The following SPOCK2 variants were observed in gnomAD, a reference collection of about 807,000 sequenced individuals.
SPOCK2 encodes the protein SPARC (osteonectin), cwcv and kazal like domains proteoglycan 2, also known as testican-2.
SPOCK2 carries 39 observed loss-of-function variants against 60.1 expected under a neutral mutation model. The ratio of observed to expected loss-of-function variants is 0.65; its 90% CI spans 0.50 to 0.85. SPOCK2 has a LOEUF of 0.85. Among genes scored for constraint, SPOCK2 ranks in the 40% least tolerant of loss-of-function variants. The probability of loss-of-function intolerance (pLI) is 0.00; values close to 1 mark genes in which losing one functional copy is unlikely to be tolerated. For synonymous variants in SPOCK2, 217 were observed against 231.5 expected (o/e 0.94, Z 0.57); for missense variants, 523 against 567.4 (o/e 0.92, Z 0.80).
In SPOCK2 at chr10:72,070,443, G is replaced by C. The variant is rs375309597; in HGVS notation, c.360-17C>G. 3.1e-6 allele frequency: 5 copies of C among 1,612,804 alleles called. No individual in the cohort carries two copies. The highest frequency in any genetic ancestry group is 1.7e-5 in the Admixed American group (1 of 59,976). ...TGCTTGATCCTACAGGAGAGGGTGG[G>C]GGGCACACCAGGGTGGAAGTGACAA... On this transcript the variant is annotated splice_polypyrimidine_tract_variant and intron_variant, in intron 4 of 10. Transcript: ENST00000373109.
chr10:72,064,432 T>C (rs1432833538), intron 8 of SPOCK2, among the ~76,000 whole-genome samples, 192 bp from the exon 9 acceptor site: 2 of 152,144 alleles, frequency 1.3e-5, no homozygotes, highest in African/African-American at 4.8e-5. Flanking sequence ...ACTCTCTATT[T>C]AGGGGAGCTC....
In SPOCK2 at chr10:72,062,431, CCAA is replaced by C; in HGVS notation, c.*326_*328del. 2.9e-6 allele frequency: 1 copy of C among 347,746 alleles called. No individual in the cohort carries two copies. Among genetic ancestry groups the C allele is most frequent in the Non-Finnish European group, 5.2e-6 (1 of 193,760 alleles). 21.5% of individuals were successfully genotyped at this position (347,746 alleles called of 1,614,324 possible). A position where few individuals can be genotyped will look rare whatever the true frequency, so the allele number is the denominator to read the frequency against. ...ATTTGTGTGTGAATGTATTTTAAAACCAACAACAAAAGGAAAGAAAACAGCTAC... is the reference window on the plus strand; with the variant it reads ...ATTTGTGTGTGAATGTATTTTAAAACCAACAAAAGGAAAGAAAACAGCTAC... On this transcript the variant is annotated 3_prime_UTR_variant, in exon 11 of 11. Coordinates refer to ENST00000373109, the MANE Select transcript of SPOCK2 (RefSeq NM_001244950.2). The surrounding 1 kb of genome is among the most constrained non-coding windows in gnomAD (Gnocchi z 4.3).
rs755810161 is a variant in SPOCK2, at chr10:72,067,666, T to G, written c.656A>C (p.His219Pro). The G allele has an allele frequency of 6.2e-7, 1 of 1,613,814 alleles. No individual in the cohort carries two copies. Among genetic ancestry groups the G allele is most frequent in the South Asian group, 1.1e-5 (1 of 91,072 alleles). Residue 219 changes from histidine to proline, a missense_variant, in exon 7 of 11, where the codon CAT becomes CCT. His to Pro is a moderately conservative substitution (Grantham distance 77). Coordinates refer to ENST00000373109, the MANE Select transcript of SPOCK2 (RefSeq NM_001244950.2). ...TGAGCCATTCTGCTTGGAGTTCTCA[T>G]GAAGGAGCTGGAACCAGTCCCGCAG... ...DRLRDWFQLL[H>P]ENSKQNGSAS...
chr10:72,088,661 G>A (rs1023951952), upstream of SPOCK2: 2 of 227,158 alleles, frequency 8.8e-6, no homozygotes, highest in South Asian at 1.7e-4. Flanking sequence ...ATTTCAAAGC[G>A]AAGCGCTCCC....
chr10:72,088,971 C>T (rs1840905491), upstream of SPOCK2: 1 of 152,320 alleles, frequency 6.6e-6, no homozygotes, highest in African/African-American at 2.4e-5. Flanking sequence ...CAGCTGGCTT[C>T]CTGCGAGTTA....
rs758457041 is a variant in SPOCK2, at chr10:72,064,248, G to C, written c.929-8C>G. On this transcript the variant is annotated splice_polypyrimidine_tract_variant and splice_region_variant and intron_variant, in intron 8 of 10. Coordinates refer to ENST00000373109, the MANE Select transcript of SPOCK2 (RefSeq NM_001244950.2). ...CTGCCAGGCAGGGGGGCTCTGTGGG[G>C]AGAGAAGCAGCCTCTGATGGGACTG... The C allele has an allele frequency of 4.3e-5, 69 of 1,588,032 alleles. No individual in the cohort carries two copies. In the South Asian group the frequency reaches 7.3e-4, roughly 17 times the overall value.
chr10:72,059,751 C>T lies in SPOCK2; in HGVS notation c.*3009G>A, dbSNP rs1352306081. ...ACAGGGGGCAGTCAAGATGCCGCCA[C>T]CCACCACCCCTCCCTTCCAAGCTCC... On this transcript the variant is annotated 3_prime_UTR_variant, in exon 11 of 11. Coordinates refer to ENST00000373109, the MANE Select transcript of SPOCK2 (RefSeq NM_001244950.2). The T allele has an allele frequency of 6.5e-6, 1 of 152,836 alleles. No homozygotes were observed. The highest frequency in any genetic ancestry group is 1.9e-4 in the East Asian group (1 of 5,192). The allele number at this position is 152,836 out of a possible 1,614,324, so 9.5% of individuals were successfully genotyped here. A position where few individuals can be genotyped will look rare whatever the true frequency, so the allele number is the denominator to read the frequency against.
Position 72,080,817 on chromosome 10 carries a change from G to A in SPOCK2, c.189+7323C>T, listed in dbSNP as rs543415633. Among the ~76,000 whole-genome samples the A allele has an allele frequency of 1.1e-3, 167 of 152,214 alleles. 1 individual carries two copies. The highest frequency in any genetic ancestry group is 2.6e-3 in the Admixed American group (40 of 15,288). Reference sequence around the variant, plus strand: ...ATCACTCCCTGCATGCCAGGAGCCGGGCTGGGCCTGGGCTCAGGTATGCCT... The same window carrying A: ...ATCACTCCCTGCATGCCAGGAGCCGAGCTGGGCCTGGGCTCAGGTATGCCT... On this transcript the variant is annotated intron_variant, in intron 1 of 10. Coordinates refer to ENST00000373109, the MANE Select transcript of SPOCK2 (RefSeq NM_001244950.2).
chr10:72,068,167 T>C lies in SPOCK2; in HGVS notation c.589+20A>G. On this transcript the variant is annotated intron_variant, in intron 6 of 10. Transcript: ENST00000373109. ...TGGCCCTTCAGCACCCCTAGCCTGG[T>C]GGCCCAGCACTGTCCTCACCTGGTT... The C allele has an allele frequency of 6.3e-7, 1 of 1,598,448 alleles. No homozygotes were observed. The highest frequency in any genetic ancestry group is 1.1e-5 in the South Asian group (1 of 88,254).
intron 1 of SPOCK2, among the ~76,000 whole-genome samples, chr10:72,078,713 T>G (rs1046932222): frequency 6.6e-6 from 1 of 152,022 alleles, no homozygotes; most frequent in East Asian, 1.9e-4. Flanking sequence ...AGCACAGCTG[T>G]CTCCATCCAG....
chr10:72,082,085 C>T (rs1299119020), intron 1 of SPOCK2, among the ~76,000 whole-genome samples: 1 of 152,220 alleles, frequency 6.6e-6, no homozygotes, highest in African/African-American at 2.4e-5. Flanking sequence ...ATTACAAATA[C>T]CAGCAGAAGG....
Position 72,062,986 on chromosome 10 carries a change from C to G in SPOCK2, c.1129+39G>C. ...GCATCCCACGACAAGGGCCCCCAGG[C>G]CTGGGCCCCCAGCAGGCCCTGAGCT... On this transcript the variant is annotated intron_variant, in intron 10 of 10. Coordinates refer to ENST00000373109, the MANE Select transcript of SPOCK2 (RefSeq NM_001244950.2). The surrounding 1 kb of genome is among the most constrained non-coding windows in gnomAD (Gnocchi z 4.3). The G allele has an allele frequency of 6.4e-7, 1 of 1,571,564 alleles. No individual in the cohort carries two copies. The highest frequency in any genetic ancestry group is 8.6e-7 in the Non-Finnish European group (1 of 1,159,872).
chr10:72,081,529 T>G, intron 1 of SPOCK2, among the ~76,000 whole-genome samples: 1 of 152,210 alleles, frequency 6.6e-6, no homozygotes, highest in East Asian at 1.9e-4. Flanking sequence ...TCCACATGTC[T>G]GACAGGTGGC....
At chr10:72,082,323 G>A (rs753582775) in intron 1 of SPOCK2, among the ~76,000 whole-genome samples, 19 of 152,220 alleles carry the variant, frequency 1.2e-4, no homozygotes, top group Non-Finnish European at 2.4e-4. Context: ...AACTGTGTAT[G>A]CAGGCATAGG....
chr10:72,068,946 C>T (rs2131813472), intron 5 of SPOCK2: 1 of 152,540 alleles, frequency 6.6e-6, no homozygotes, highest in East Asian at 1.9e-4. Flanking sequence ...CATTATCTCA[C>T]TTGGGAGGCT....
At chr10:72,081,882 G>A (rs1002511138) in intron 1 of SPOCK2, among the ~76,000 whole-genome samples, 1 of 152,116 alleles carries the variant, frequency 6.6e-6, no homozygotes, top group African/African-American at 2.4e-5. Flanking sequence ...GGGAGGGAGG[G>A]GTGCAGAGAA....
intron 5 of SPOCK2, 30 bp from the exon 6 acceptor site, chr10:72,068,331 C>T: frequency 6.4e-7 from 1 of 1,572,738 alleles, no homozygotes; most frequent in Non-Finnish European, 8.6e-7. Flanking sequence ...GAACAGGGGA[C>T]TGAGGGCTTA....
intron 7 of SPOCK2, 50 bp downstream of exon 7, chr10:72,067,563 C>A (rs1427291378): frequency 1.0e-5 from 16 of 1,606,142 alleles, no homozygotes; most frequent in Non-Finnish European, 1.4e-5. Context: ...GTGTCCTCAG[C>A]CCCTTCCCTA....
chr10:72,063,313 G>A, intron 9 of SPOCK2, 151 bp from the exon 10 acceptor site: 1 of 1,171,658 alleles, frequency 8.5e-7, no homozygotes, highest in Non-Finnish European at 1.2e-6. Context: ...AGGCCCAGAT[G>A]CTGAGAGCTG....
Sources: allele counts gnomAD v4.1 joint callset (sites outside exome capture counted in the v4.1 genomes callset), GRCh38; gene constraint gnomAD v4.1.1; non-coding constraint Gnocchi (gnomAD v3.1); transcripts MANE v1.5; gene names NCBI Gene and HGNC (gene_info 2026-07-23, HGNC 2026-07-21).